The following KCNMA1 variants were observed in gnomAD, a reference collection of about 807,000 sequenced individuals.
KCNMA1 encodes potassium calcium-activated channel subfamily M alpha 1.
A neutral mutation model predicts 140.0 loss-of-function variants in KCNMA1; 29 were observed. The observed-to-expected ratio is 0.21, with a 90% CI of 0.15 to 0.28. The LOEUF (loss-of-function observed/expected upper bound fraction) is 0.28. Ranked by LOEUF, KCNMA1 falls within the 10% of genes least tolerant of loss-of-function variation. The pLI is 1.00. For synonymous variants in KCNMA1, 612 were observed against 611.9 expected, an observed-to-expected ratio of 1.00 and a Z score of 0.00; for missense variants, 880 against 1,602.2, an observed-to-expected ratio of 0.55 and a Z score of 7.70.
chr10:77,003,599 T>C (rs2087268147), intron 18 of KCNMA1, among the ~76,000 whole-genome samples: 1 of 152,212 alleles, frequency 6.6e-6, no homozygotes, highest in Admixed American at 6.5e-5. Context: ...TGCTTCACCG[T>C]AGATAAATCA....
At chr10:77,358,366 A>G (rs2093675804) in intron 2 of KCNMA1, among the ~76,000 whole-genome samples, 1 of 152,084 alleles carries the variant, frequency 6.6e-6, no homozygotes, top group African/African-American at 2.4e-5. Context: ...TGTAGTAGAT[A>G]TTATTAAATA....
intron 19 of KCNMA1, among the ~76,000 whole-genome samples, chr10:76,972,367 T>G (rs916018651): frequency 5.9e-5 from 9 of 152,198 alleles, no homozygotes; most frequent in Non-Finnish European, 1.2e-4. Flanking sequence ...TGAATCTAGA[T>G]GAGTTAAGAC....
chr10:77,397,423 A>T (rs1250788083), intron 2 of KCNMA1, among the ~76,000 whole-genome samples: 1 of 152,218 alleles, frequency 6.6e-6, no homozygotes, highest in East Asian at 1.9e-4. Flanking sequence ...GTACATGTAT[A>T]ATGATTAGAT....
At chr10:77,560,806 T>C (rs2066117991) in intron 1 of KCNMA1, among the ~76,000 whole-genome samples, 1 of 152,178 alleles carries the variant, frequency 6.6e-6, no homozygotes. Flanking sequence ...AGCCTCTACA[T>C]CTCATTCTCT....
intron 1 of KCNMA1, among the ~76,000 whole-genome samples, chr10:77,435,100 AT>A (rs143895513): frequency 0.015 from 2,185 of 148,968 alleles, 53 homozygotes; most frequent in African/African-American, 0.05. Flanking sequence ...ACACCTGGCT[AT>A]TTTTTTTTTA....
At position 76,945,025 on chromosome 10, in the gene KCNMA1, G is replaced by A. The variant is rs1223180802; in HGVS notation, c.2710-60C>T. The A allele has an allele frequency of 1.9e-5, 27 of 1,406,036 alleles. 1 individual carries two copies. The South Asian group carries it at 2.7e-4, about 14-fold the overall frequency. The allele number at this position is 1,406,036 out of a possible 1,614,324, so 87.1% of individuals were successfully genotyped here. On this transcript the variant is annotated intron_variant, in intron 22 of 27. Coordinates refer to ENST00000286628, the MANE Select transcript of KCNMA1 (RefSeq NM_001161352.2). ...GGGGGGAGAAAGAGACAGAGAGAGAGAGAGAGGAGCAAAAGTGAGAGGAGA... is the reference window on the plus strand; with the variant it reads ...GGGGGGAGAAAGAGACAGAGAGAGAAAGAGAGGAGCAAAAGTGAGAGGAGA...
chr10:77,517,222 G>A (rs2050867422), intron 1 of KCNMA1, among the ~76,000 whole-genome samples: 1 of 152,138 alleles, frequency 6.6e-6, no homozygotes, highest in South Asian at 2.1e-4. Context: ...CCTCATTCAA[G>A]GTGTACAGAA....
chr10:77,294,240 G>C (rs1172760506), intron 2 of KCNMA1, among the ~76,000 whole-genome samples: 3 of 152,238 alleles, frequency 2.0e-5, no homozygotes, highest in African/African-American at 7.2e-5. Flanking sequence ...CTGGGCCCAG[G>C]TTTGCAGTGG....
intron 2 of KCNMA1, among the ~76,000 whole-genome samples, chr10:77,260,719 CAAACAAACAAA>C (rs374208079): frequency 1.6e-4 from 24 of 152,072 alleles, no homozygotes; most frequent in African/African-American, 4.3e-4. Flanking sequence ...AAAAAACAAA[CAAACAAACAAA>C]AAACAAACAA....
chr10:77,500,411 G>C (rs945385296), intron 1 of KCNMA1, among the ~76,000 whole-genome samples: 1 of 152,144 alleles, frequency 6.6e-6, no homozygotes, highest in Non-Finnish European at 1.5e-5. Flanking sequence ...GCTTTGGGAG[G>C]CCGAGGTGGC....
intron 2 of KCNMA1, among the ~76,000 whole-genome samples, chr10:77,285,928 C>T (rs912025620): frequency 4.6e-5 from 7 of 152,120 alleles, no homozygotes; most frequent in South Asian, 2.1e-4. Flanking sequence ...TAAAGGACAG[C>T]GATCAGTATT....
chr10:77,363,475 A>G (rs770614127), intron 2 of KCNMA1, among the ~76,000 whole-genome samples: 1 of 152,234 alleles, frequency 6.6e-6, no homozygotes, highest in Non-Finnish European at 1.5e-5. Context: ...TCCCATAAAA[A>G]TGGCATTTGC....
At chr10:77,061,650 T>G (rs964745327) in intron 14 of KCNMA1, among the ~76,000 whole-genome samples, 1 of 152,270 alleles carries the variant, frequency 6.6e-6, no homozygotes, top group East Asian at 1.9e-4. Context: ...CAATCCTAAT[T>G]CGAGATACTT....
chr10:77,456,000 T>A (rs910241237), intron 1 of KCNMA1, among the ~76,000 whole-genome samples: 14 of 152,314 alleles, frequency 9.2e-5, no homozygotes, highest in African/African-American at 3.4e-4. Flanking sequence ...TGATCTGCCA[T>A]CCTCCTGGCA....
chr10:77,373,186 T>A (rs2094858294), intron 2 of KCNMA1, among the ~76,000 whole-genome samples: 1 of 152,226 alleles, frequency 6.6e-6, no homozygotes, highest in African/African-American at 2.4e-5. Flanking sequence ...CATGCTGCCA[T>A]CTTGTTGGTT....
intron 2 of KCNMA1, among the ~76,000 whole-genome samples, chr10:77,392,117 G>A (rs576385326): frequency 7.2e-6 from 1 of 138,528 alleles, no homozygotes; most frequent in African/African-American, 2.6e-5. Flanking sequence ...GAAGGACGGA[G>A]GAATGGAATG....
chr10:77,335,188 C>G (rs1225254609), intron 2 of KCNMA1, among the ~76,000 whole-genome samples: 1 of 152,178 alleles, frequency 6.6e-6, no homozygotes, highest in Non-Finnish European at 1.5e-5. Context: ...TATGGAAGCA[C>G]AAGCGGTATA....
At chr10:77,418,183 T>G (rs967823820) in intron 1 of KCNMA1, among the ~76,000 whole-genome samples, 5 of 152,132 alleles carry the variant, frequency 3.3e-5, no homozygotes, top group African/African-American at 9.7e-5. Flanking sequence ...TCTTTTTCCA[T>G]TGGATTCAGA....
intron 2 of KCNMA1, among the ~76,000 whole-genome samples, chr10:77,254,821 G>A (rs1355648761): frequency 6.6e-6 from 1 of 152,168 alleles, no homozygotes; most frequent in Non-Finnish European, 1.5e-5. Context: ...GAGGACAGAA[G>A]CCCAAGGGAC....
Sources: gnomAD v4.1 joint callset for allele counts (sites outside exome capture counted in the v4.1 genomes callset) on GRCh38, gnomAD v4.1.1 for gene constraint, MANE v1.5 for transcripts, NCBI Gene and HGNC (gene_info 2026-07-23, HGNC 2026-07-21) for gene names.